The following DAB1 variants were observed in gnomAD, a reference collection of about 807,000 sequenced individuals.
DAB1 encodes disabled homolog 1.
DAB1 carries 15 observed loss-of-function variants against 64.6 expected under a neutral mutation model. That is an observed-to-expected ratio of 0.23 (90% CI 0.16 to 0.36). The LOEUF is 0.36. DAB1 is among the 10% of genes least tolerant of loss of function. DAB1 has a pLI of 1.00. For synonymous variants in DAB1, 235 were observed against 251.9 expected, an observed-to-expected ratio of 0.93 and a Z score of 0.64; for missense variants, 596 against 706.7, an observed-to-expected ratio of 0.84 and a Z score of 1.78.
At chr1:58,238,966 C>A (rs1660172502) in intron 4 of DAB1, among the ~76,000 whole-genome samples, 1 of 152,062 alleles carries the variant, frequency 6.6e-6, no homozygotes, top group Admixed American at 6.6e-5. Context: ...ACTTCTGGGG[C>A]AGTTCCGATA....
upstream of DAB1, among the ~76,000 whole-genome samples, chr1:57,886,786 T>A (rs1049046254): frequency 6.6e-5 from 10 of 152,196 alleles, no homozygotes; most frequent in African/African-American, 2.4e-4. Context: ...GTCCTGATCC[T>A]ACCAGCTGTG....
intron 3 of DAB1, among the ~76,000 whole-genome samples, chr1:58,383,969 C>G (rs780159024): frequency 2.0e-5 from 3 of 152,052 alleles, no homozygotes; most frequent in African/African-American, 7.2e-5. Flanking sequence ...TTTTCCATAG[C>G]AGCTGCACTA....
rs543262105 is a variant in DAB1, at chr1:57,762,629, T to A, written n.552-112964A>T. Among the ~76,000 whole-genome samples, 472 of 152,336 alleles carry A rather than the reference T, an allele frequency of 3.1e-3. 25 individuals are homozygous for A. In the South Asian group the frequency reaches 0.092, roughly 30 times the overall value. On this transcript the variant is annotated intron_variant and non_coding_transcript_variant, in intron 6 of 20. Coordinates refer to the DAB1 transcript ENST00000485760. Reference sequence around the variant, plus strand: ...ATTAAAAATATAAATTTAGCTTTATTTAAAAACTCACTATATTGCCCATTT... The same window carrying A: ...ATTAAAAATATAAATTTAGCTTTATATAAAAACTCACTATATTGCCCATTT...
intron 2 of DAB1, among the ~76,000 whole-genome samples, chr1:57,154,010 G>A (rs1344705396): frequency 6.6e-6 from 1 of 152,172 alleles, no homozygotes; most frequent in Non-Finnish European, 1.5e-5. Context: ...ACATCATGGA[G>A]AATGGAGTAT....
intron 4 of DAB1, among the ~76,000 whole-genome samples, chr1:58,215,398 AGT>A (rs1658794724): frequency 1.3e-5 from 1 of 78,940 alleles, no homozygotes; most frequent in African/African-American, 4.8e-5. Flanking sequence ...ACTCCATGAT[AGT>A]GTTTTTTTTT....
intron 3 of DAB1, among the ~76,000 whole-genome samples, chr1:58,343,937 G>A (rs574177243): frequency 6.6e-6 from 1 of 152,278 alleles, no homozygotes; most frequent in South Asian, 2.1e-4. Context: ...AGAATGCATT[G>A]CTGACTTGTA....
chr1:57,223,328 G>T (rs991268094), intron 2 of DAB1, among the ~76,000 whole-genome samples: 3 of 152,178 alleles, frequency 2.0e-5, no homozygotes, highest in Admixed American at 1.3e-4. Flanking sequence ...GGTGCTTTGT[G>T]TGGCAATGGG....
chr1:57,785,780 T>C (rs1390990632), intron 6 of DAB1, among the ~76,000 whole-genome samples: 2 of 152,184 alleles, frequency 1.3e-5, no homozygotes, highest in Non-Finnish European at 1.5e-5. Flanking sequence ...GCTGTGAACA[T>C]TGTTGAAATG....
chr1:58,034,983 A>G (rs1296519941), intron 5 of DAB1, among the ~76,000 whole-genome samples: 1 of 152,160 alleles, frequency 6.6e-6, no homozygotes, highest in Admixed American at 6.5e-5. Context: ...GTTTTGACCA[A>G]TAGAATGTAG....
At chr1:58,523,608 T>C (rs1359660182) in intron 2 of DAB1, among the ~76,000 whole-genome samples, 1 of 152,114 alleles carries the variant, frequency 6.6e-6, no homozygotes, top group Non-Finnish European at 1.5e-5. Context: ...TAAAAAGAAC[T>C]GGCAGTCCTG....
chr1:58,505,602 T>G (rs139236107), intron 3 of DAB1, among the ~76,000 whole-genome samples: 194 of 152,122 alleles, frequency 1.3e-3, no homozygotes, highest in African/African-American at 4.5e-3. Context: ...GAAACAAACA[T>G]GAAGATTTTT....
intron 5 of DAB1, among the ~76,000 whole-genome samples, chr1:57,907,476 C>CA (rs1644570473): frequency 1.3e-5 from 2 of 152,184 alleles, no homozygotes. Flanking sequence ...TGGTGTGTTA[C>CA]ATATTTTAAC....
intron 5 of DAB1, among the ~76,000 whole-genome samples, chr1:58,027,833 T>C (rs1557616003): frequency 6.6e-6 from 1 of 152,172 alleles, no homozygotes; most frequent in South Asian, 2.1e-4. Context: ...TTTTCCAGAA[T>C]TCAGCCATAT....
chr1:57,115,021 A>G (rs536923101), intron 4 of DAB1, among the ~76,000 whole-genome samples: 2 of 152,266 alleles, frequency 1.3e-5, no homozygotes, highest in South Asian at 4.1e-4. Context: ...TGTGCAGTGC[A>G]TGGCCAACAC....
Position 57,225,769 on chromosome 1 carries a change from G to A in DAB1, c.67+65195C>T, listed in dbSNP as rs145433488. Among the ~76,000 whole-genome samples the A allele has an allele frequency of 2.0e-3, 306 of 152,206 alleles. 2 individuals are homozygous for A. Among genetic ancestry groups the A allele is most frequent in the African/African-American group, 6.9e-3 (288 of 41,520 alleles). ...TAAATCAACCCTCTATGAAAAGCAT[G>A]GGGCATTAACATTTTAGACATTACC... On this transcript the variant is annotated intron_variant, in intron 2 of 14. Transcript: ENST00000371236.
chr1:58,545,970 C>T (rs903534667), intron 1 of DAB1, among the ~76,000 whole-genome samples: 5 of 152,164 alleles, frequency 3.3e-5, no homozygotes, highest in Non-Finnish European at 7.4e-5. Flanking sequence ...ATCCTTTTAG[C>T]GAGGGTTGCA....
At chr1:57,238,856 C>CAA (rs764051386) in intron 2 of DAB1, among the ~76,000 whole-genome samples, 1 of 141,596 alleles carries the variant, frequency 7.1e-6, no homozygotes, top group African/African-American at 2.8e-5. Context: ...CACACACACA[C>CAA]ACATACACAC....
intron 5 of DAB1, among the ~76,000 whole-genome samples, chr1:58,002,990 T>C (rs931178826): frequency 1.3e-5 from 2 of 152,200 alleles, no homozygotes; most frequent in African/African-American, 2.4e-5. Flanking sequence ...CTCATGACAA[T>C]GTCTAGTATA....
chr1:57,622,349 C>G (rs1645870068), intron 7 of DAB1, among the ~76,000 whole-genome samples: 1 of 152,140 alleles, frequency 6.6e-6, no homozygotes, highest in Admixed American at 6.5e-5. Context: ...TGAGGCTAGA[C>G]TAGGGTGGCA....
Sources: gnomAD v4.1 joint callset for allele counts (sites outside exome capture counted in the v4.1 genomes callset) on GRCh38, gnomAD v4.1.1 for gene constraint, MANE v1.5 for transcripts, NCBI Gene and HGNC (gene_info 2026-07-23, HGNC 2026-07-21) for gene names.